NKAIN2: variants seen among roughly 807,000 people sequenced by gnomAD.
NKAIN2 encodes sodium/potassium-transporting ATPase subunit beta-1-interacting protein 2.
Under a neutral mutation model 32.6 loss-of-function variants are expected in NKAIN2, and 14 were observed. The ratio of observed to expected loss-of-function variants is 0.43; its 90% CI spans 0.28 to 0.67. NKAIN2 has a LOEUF of 0.67. Ranked by LOEUF, NKAIN2 falls within the 30% of genes least tolerant of loss-of-function variation. The probability of loss-of-function intolerance (pLI) is 0.17; values close to 1 mark genes in which losing one functional copy is unlikely to be tolerated. For missense variants in NKAIN2, 198 were observed against 258.3 expected (o/e 0.77, Z 1.60); for synonymous variants, 80 against 87.2 (o/e 0.92, Z 0.46).
intron 2 of NKAIN2, among the ~76,000 whole-genome samples, chr6:124,293,767 C>T (rs1916785): frequency 0.1 from 15,794 of 151,894 alleles, 822 homozygotes; most frequent in East Asian, 0.18. Context: ...TCTGCATACC[C>T]TTTTTTGCTC....
chr6:124,000,198 T>G (rs1779815064), intron 1 of NKAIN2, among the ~76,000 whole-genome samples: 1 of 152,064 alleles, frequency 6.6e-6, no homozygotes, highest in African/African-American at 2.4e-5. Context: ...AAGGAATAAC[T>G]CCTATATTCT....
chr6:124,218,115 T>A (rs903832284), intron 1 of NKAIN2, among the ~76,000 whole-genome samples: 1 of 151,754 alleles, frequency 6.6e-6, no homozygotes, highest in Non-Finnish European at 1.5e-5. Context: ...GGAAAAGGCA[T>A]TATTGACTTG....
chr6:123,947,428 C>T (rs1293377460), intron 1 of NKAIN2, among the ~76,000 whole-genome samples: 1 of 152,080 alleles, frequency 6.6e-6, no homozygotes, highest in Admixed American at 6.6e-5. Context: ...ATCTCAAAGC[C>T]TCTATGTTGT....
At chr6:124,301,248 G>T (rs1438010220) in intron 2 of NKAIN2, among the ~76,000 whole-genome samples, 2 of 152,230 alleles carry the variant, frequency 1.3e-5, no homozygotes, top group Non-Finnish European at 2.9e-5. Context: ...CTTCCATGGG[G>T]TGTTGAGCCT....
chr6:124,078,370 A>G (rs1388763436), intron 1 of NKAIN2, among the ~76,000 whole-genome samples: 1 of 152,222 alleles, frequency 6.6e-6, no homozygotes, highest in African/African-American at 2.4e-5. Flanking sequence ...GCTTATTAAA[A>G]TGCCAACTTT....
intron 1 of NKAIN2, among the ~76,000 whole-genome samples, chr6:123,938,544 T>TTATATATTTATATATTTTTATATATTA (rs1776663535): frequency 7.2e-6 from 1 of 138,314 alleles, no homozygotes; most frequent in Non-Finnish European, 1.6e-5. Flanking sequence ...TTTTTATATA[T>TTATATATTTATATATTTTTATATATTA]TATATATTTA....
chr6:124,358,846 C>A (rs376268645), intron 3 of NKAIN2, among the ~76,000 whole-genome samples: 21,179 of 149,406 alleles, frequency 0.14, 1,670 homozygotes, highest in Admixed American at 0.25. Flanking sequence ...AAGTCCTTGC[C>A]CATGCCTATG....
At chr6:124,326,524 A>G (rs932743748) in intron 2 of NKAIN2, among the ~76,000 whole-genome samples, 5 of 152,088 alleles carry the variant, frequency 3.3e-5, no homozygotes, top group African/African-American at 1.2e-4. Flanking sequence ...TCTATTTTTC[A>G]AGACAATGCT....
At chr6:123,984,205 C>T (rs143682746) in intron 1 of NKAIN2, among the ~76,000 whole-genome samples, 1 of 152,244 alleles carries the variant, frequency 6.6e-6, no homozygotes, top group Non-Finnish European at 1.5e-5. Flanking sequence ...CCGCGCCCGG[C>T]CAGACTCTCC....
At chr6:124,465,591 G>T (rs553509469) in intron 3 of NKAIN2, among the ~76,000 whole-genome samples, 109 of 147,572 alleles carry the variant, frequency 7.4e-4, no homozygotes, top group African/African-American at 2.5e-3. Flanking sequence ...TAACAAACCT[G>T]CAGGTTCTGC....
chr6:124,032,242 C>G (rs564656613), intron 1 of NKAIN2, among the ~76,000 whole-genome samples: 2 of 123,650 alleles, frequency 1.6e-5, no homozygotes, highest in Non-Finnish European at 3.1e-5. Flanking sequence ...TGGGGAACAT[C>G]ACACACTGGG....
intron 1 of NKAIN2, among the ~76,000 whole-genome samples, chr6:123,972,029 C>A (rs1388185915): frequency 6.6e-6 from 1 of 152,138 alleles, no homozygotes; most frequent in African/African-American, 2.4e-5. Context: ...AACCATTCAA[C>A]ATGAAGATGA....
chr6:124,045,665 TAAATGGTGATTCATGGAG>T (rs750924982), intron 1 of NKAIN2, among the ~76,000 whole-genome samples: 113 of 152,148 alleles, frequency 7.4e-4, no homozygotes, highest in Non-Finnish European at 1.3e-3. Context: ...GAAATGAAAC[TAAATGGTGATTCATGGAG>T]ACGGTGATTA....
intron 1 of NKAIN2, among the ~76,000 whole-genome samples, chr6:124,235,819 A>T (rs1370878910): frequency 6.6e-6 from 1 of 151,808 alleles, no homozygotes; most frequent in African/African-American, 2.4e-5. Flanking sequence ...GGCTGTTCTC[A>T]AACTCCTGAC....
intron 1 of NKAIN2, among the ~76,000 whole-genome samples, chr6:123,911,842 C>T (rs1456308523): frequency 3.4e-5 from 3 of 88,348 alleles, no homozygotes; most frequent in African/African-American, 3.9e-5. Flanking sequence ...CACACACACA[C>T]ACACACACAC....
At chr6:124,246,687 T>C (rs1474651398) in intron 1 of NKAIN2, among the ~76,000 whole-genome samples, 1 of 152,024 alleles carries the variant, frequency 6.6e-6, no homozygotes, top group African/African-American at 2.4e-5. Context: ...TATTGGGAGA[T>C]GGACTTTTGA....
intron 1 of NKAIN2, among the ~76,000 whole-genome samples, chr6:124,243,986 T>C (rs562670733): frequency 1.3e-4 from 20 of 152,216 alleles, no homozygotes; most frequent in African/African-American, 4.1e-4. Flanking sequence ...TTTTCATGGC[T>C]ATGGAGGCAT....
chr6:124,291,138 G>A (rs1795795371), intron 2 of NKAIN2, among the ~76,000 whole-genome samples: 1 of 152,086 alleles, frequency 6.6e-6, no homozygotes, highest in African/African-American at 2.4e-5. Context: ...TTGAGTACTA[G>A]TTTGGCCAGG....
intron 3 of NKAIN2, among the ~76,000 whole-genome samples, chr6:124,505,966 G>A (rs1178392074): frequency 6.6e-6 from 1 of 152,070 alleles, no homozygotes; most frequent in Non-Finnish European, 1.5e-5. Context: ...GAGGTCAAGA[G>A]ACCGAGACCA....
Sources: gnomAD v4.1 joint callset for allele counts (sites outside exome capture counted in the v4.1 genomes callset) on GRCh38, gnomAD v4.1.1 for gene constraint, MANE v1.5 for transcripts, NCBI Gene and HGNC (gene_info 2026-07-23, HGNC 2026-07-21) for gene names.